LAP3: variants seen among roughly 807,000 people sequenced by gnomAD.
LAP3 encodes leucine aminopeptidase 3.
A neutral mutation model predicts 58.8 loss-of-function variants in LAP3; 46 were observed. The ratio of observed to expected loss-of-function variants is 0.78; its 90% confidence interval spans 0.62 to 1.00. The LOEUF is 1.00. LAP3 is among the 50% of genes least tolerant of loss of function. LAP3 has a pLI of 0.00. For synonymous variants in LAP3, 257 were observed against 237.7 expected (o/e 1.08, Z -0.75); for missense variants, 615 against 659.1 (o/e 0.93, Z 0.73).
intron 7 of LAP3, among the ~76,000 whole-genome samples, chr4:17,591,724 C>T (rs1713692425): frequency 6.6e-6 from 1 of 152,062 alleles, no homozygotes; most frequent in Non-Finnish European, 1.5e-5. Flanking sequence ...AGGGTAAATT[C>T]CTGGTATGGC....
At chr4:17,598,422 C>T (rs529570193) in intron 9 of LAP3, 34 bp from the exon 10 acceptor site, 70 of 1,457,824 alleles carry the variant, frequency 4.8e-5, no homozygotes, top group South Asian at 4.7e-4. Context: ...TCTTTACTTG[C>T]GCTGTCACCC....
chr4:17,607,511 TCTACGGAA>T lies in LAP3; in HGVS notation c.1483_1490del (p.Leu495ArgfsTer12), dbSNP rs1251307082. ...TGACCAACAAAGATGAAGTTCCCTATCTACGGAAAGGCATGACTGGGAGGCCCACAAGG... is the reference window on the plus strand; with the variant it reads ...TGACCAACAAAGATGAAGTTCCCTATAGGCATGACTGGGAGGCCCACAAGG... On this transcript the variant is annotated frameshift_variant, in exon 13 of 13. Transcript: ENST00000226299. LOFTEE classifies it high-confidence loss of function. 1 of 1,614,038 alleles carries T rather than the reference TCTACGGAA, an allele frequency of 6.2e-7. No individual in the cohort carries two copies. The highest frequency in any genetic ancestry group is 8.5e-7 in the Non-Finnish European group (1 of 1,180,040).
At position 17,606,846 on chromosome 4, in the gene LAP3, G is replaced by A; in HGVS notation, c.1278G>A (p.Gly426=). 1.2e-6 allele frequency: 2 copies of A among 1,611,920 alleles called. No individual in the cohort carries two copies. Among genetic ancestry groups the A allele is most frequent in the Non-Finnish European group, 1.7e-6 (2 of 1,179,626 alleles). The part of the protein sequence containing the change: ...NKLFEASIET[G]DRVWRMPLFE... ...TTCTCTAGGCCAGCATTGAAACAGG[G>A]GACCGTGTCTGGAGGATGCCTCTCT... Residue 426 remains glycine (G), a synonymous_variant, in exon 12 of 13, where the codon GGG becomes GGA. Transcript: ENST00000226299.
In LAP3 at chr4:17,577,246, G is replaced by GCACACGAATGCGGGCGCA. The variant is rs1713215869; in HGVS notation, c.-217_-216insACGAATGCGGGCGCACAC. The GCACACGAATGCGGGCGCA allele has an allele frequency of 2.7e-6, 1 of 376,360 alleles. No individual in the cohort carries two copies. Among genetic ancestry groups the GCACACGAATGCGGGCGCA allele is most frequent in the African/African-American group, 2.3e-5 (1 of 43,980 alleles). 23.3% of individuals were successfully genotyped at this position (376,360 alleles called of 1,614,324 possible). On this transcript the variant is annotated 5_prime_UTR_variant, in exon 1 of 13. In the 5' UTR this introduces an upstream ATG that the reference lacks. Transcript: ENST00000226299. ...AATGCGGGCGCACACGAATGCGGGCGCACCCTTGAGTCCCCTCCACAACCG... is the reference window on the plus strand; with the variant it reads ...AATGCGGGCGCACACGAATGCGGGCGCACACGAATGCGGGCGCACACCCTTGAGTCCCCTCCACAACCG...
intron 10 of LAP3, among the ~76,000 whole-genome samples, chr4:17,601,401 C>T (rs1245046267): frequency 2.6e-5 from 4 of 152,130 alleles, no homozygotes; most frequent in Non-Finnish European, 4.4e-5. Context: ...TTTTTTATTA[C>T]TTTAAGGGAA....
intron 1 of LAP3, among the ~76,000 whole-genome samples, chr4:17,578,347 G>A (rs1412674838): frequency 6.6e-6 from 1 of 152,222 alleles, no homozygotes; most frequent in Non-Finnish European, 1.5e-5. Flanking sequence ...CCAGATAACA[G>A]TTGCTCAGTT....
chr4:17,605,118 C>CCACACACACACA (rs10609509), intron 11 of LAP3, among the ~76,000 whole-genome samples: 5 of 146,930 alleles, frequency 3.4e-5, no homozygotes, highest in African/African-American at 1.3e-4. Flanking sequence ...ACCCTCACTT[C>CCACACACACACA]CACACACACA....
intron 10 of LAP3, among the ~76,000 whole-genome samples, chr4:17,600,462 G>A (rs571788956): frequency 2.6e-5 from 4 of 152,152 alleles, no homozygotes; most frequent in Non-Finnish European, 5.9e-5. Flanking sequence ...TACTGTAAAT[G>A]AGGAATCACA....
Position 17,577,509 on chromosome 4 carries a change from G to T in LAP3, c.44G>T (p.Arg15Leu). 1 of 1,586,670 alleles carries T rather than the reference G, an allele frequency of 6.3e-7. No homozygotes were observed. Among genetic ancestry groups the T allele is most frequent in the Non-Finnish European group, 8.6e-7 (1 of 1,168,270 alleles). Residue 15 changes from arginine to leucine, a missense_variant, in exon 1 of 13, where the codon CGA (arginine) becomes CTA (leucine). Arg to Leu is a moderately radical substitution (Grantham distance 102). Coordinates refer to ENST00000226299, the MANE Select transcript of LAP3 (RefSeq NM_015907.3). Reference protein sequence around the residue: ...PLPAAGRVVVRRLAVRRFGSR... With the variant: ...PLPAAGRVVVLRLAVRRFGSR... ...CCGGCTGCGGGGCGAGTAGTCGTCC[G>T]ACGTCTGGCCGTGAGACGTTTCGGG... is the stretch of plus-strand genomic sequence containing the variant.
intron 1 of LAP3, among the ~76,000 whole-genome samples, chr4:17,578,197 C>T (rs1274796994): frequency 6.6e-6 from 1 of 152,162 alleles, no homozygotes; most frequent in Admixed American, 6.5e-5. Flanking sequence ...GGAGTCATGC[C>T]TAAGCACCAG....
At chr4:17,583,763 C>T in intron 5 of LAP3, 121 bp downstream of exon 5, 2 of 998,366 alleles carry the variant, frequency 2.0e-6, no homozygotes, top group South Asian at 1.5e-5. Flanking sequence ...CTGTGACCTC[C>T]CCATTGCCTC....
intron 9 of LAP3, 100 bp from the exon 10 acceptor site, chr4:17,598,356 A>C (rs763476476): frequency 3.5e-5 from 28 of 803,896 alleles, no homozygotes; most frequent in Non-Finnish European, 6.0e-5. Context: ...CACACGTCAC[A>C]GTAGCTTTTT....
chr4:17,603,793 C>T (rs955546178), intron 10 of LAP3, among the ~76,000 whole-genome samples: 10 of 150,760 alleles, frequency 6.6e-5, no homozygotes, highest in East Asian at 2.0e-4. Context: ...GGATTACAGG[C>T]GTGAGGCATT....
At chr4:17,591,312 T>C (rs1337921161) in intron 7 of LAP3, among the ~76,000 whole-genome samples, 1 of 151,998 alleles carries the variant, frequency 6.6e-6, no homozygotes, top group Non-Finnish European at 1.5e-5. Flanking sequence ...GGCTAATTTT[T>C]TTCTATTTTT....
At chr4:17,602,451 T>G (rs940764656) in intron 10 of LAP3, among the ~76,000 whole-genome samples, 1 of 152,206 alleles carries the variant, frequency 6.6e-6, no homozygotes, top group African/African-American at 2.4e-5. Context: ...TTTAAAAATA[T>G]GCTAATTAAT....
chr4:17,582,442 G>T, intron 4 of LAP3, 49 bp downstream of exon 4: 1 of 1,399,258 alleles, frequency 7.1e-7, no homozygotes, highest in South Asian at 1.2e-5. Flanking sequence ...CACTCTTTTT[G>T]ATGACCTCTC....
chr4:17,599,261 A>G (rs7680984), intron 10 of LAP3, among the ~76,000 whole-genome samples: 96,079 of 152,056 alleles, frequency 0.63, 30,805 homozygotes, highest in East Asian at 0.89. Flanking sequence ...GTTAAGAGCC[A>G]GGAGCGGTGG....
intron 2 of LAP3, among the ~76,000 whole-genome samples, chr4:17,581,105 T>A (rs1447982625): frequency 6.6e-6 from 1 of 152,234 alleles, no homozygotes. Flanking sequence ...GCATCTGTGC[T>A]ACGGGCCTCT....
chr4:17,603,282 T>G (rs1046728736), intron 10 of LAP3, among the ~76,000 whole-genome samples: 1 of 151,862 alleles, frequency 6.6e-6, no homozygotes, highest in African/African-American at 2.4e-5. Flanking sequence ...CACTCCAGCC[T>G]GGGCAACAGA....
Sources: allele counts gnomAD v4.1 joint callset (sites outside exome capture counted in the v4.1 genomes callset), GRCh38; gene constraint gnomAD v4.1.1; transcripts MANE v1.5; gene names NCBI Gene and HGNC (gene_info 2026-07-23, HGNC 2026-07-21).